The following ZFHX2 variants were observed in gnomAD, a reference collection of about 807,000 sequenced individuals.
The protein encoded by ZFHX2 is zinc finger homeobox protein 2.
A neutral mutation model predicts 164.8 loss-of-function variants in ZFHX2; 75 were observed. That is an observed-to-expected ratio of 0.46 (90% confidence interval 0.38 to 0.55). ZFHX2 has a LOEUF of 0.55. Ranked by LOEUF, ZFHX2 falls within the 20% of genes least tolerant of loss-of-function variation. The probability of loss-of-function intolerance (pLI) is 0.00; values close to 1 mark genes in which losing one functional copy is unlikely to be tolerated. For missense variants in ZFHX2, 2,933 were observed against 3,308.0 expected, an observed-to-expected ratio of 0.89 and a Z score of 2.78; for synonymous variants, 1,217 against 1,351.4, an observed-to-expected ratio of 0.90 and a Z score of 2.18.
At position 23,524,403 on chromosome 14, in the gene ZFHX2, C is replaced by G. The variant is rs1159766621; in HGVS notation, c.5539G>C (p.Gly1847Arg). 6.5e-7 allele frequency: 1 copy of G among 1,536,238 alleles called. No individual in the cohort carries two copies. The highest frequency in any genetic ancestry group is 1.2e-5 in the South Asian group (1 of 84,068). Residue 1847 changes from glycine (G) to arginine (R), a missense_variant, in exon 9 of 10, where the codon GGG becomes CGG. Gly to Arg is a moderately radical substitution (Grantham distance 125). Coordinates refer to ENST00000419474, the MANE Select transcript of ZFHX2 (RefSeq NM_033400.3). This position sits in a 1 kb window ranked among gnomAD's most constrained non-coding sequence, Gnocchi z 5.6. ...GSLSPTGSEA[G>R]GGGEGEPPRD... ...GGGGGCTCGCCCTCCCCTCCTCCCC[C>G]TGCTTCACTGCCTGTGGGAGACAAG...
At chr14:23,539,063 C>T (rs1451193420) in intron 1 of ZFHX2, among the ~76,000 whole-genome samples, 2 of 152,176 alleles carry the variant, frequency 1.3e-5, no homozygotes, top group African/African-American at 2.4e-5. Context: ...ATGAATCTTG[C>T]AGCTCCAAAA....
upstream of ZFHX2, among the ~76,000 whole-genome samples, chr14:23,551,860 G>T (rs1248054246): frequency 6.6e-6 from 1 of 152,156 alleles, no homozygotes; most frequent in African/African-American, 2.4e-5. This position sits in a 1 kb window ranked among gnomAD's most constrained non-coding sequence, Gnocchi z 5.3. Flanking sequence ...GTTCGCGCCC[G>T]CCCGCCTGCC....
At chr14:23,527,430 G>C (rs927169002) in intron 7 of ZFHX2, among the ~76,000 whole-genome samples, 174 bp downstream of exon 7, 1 of 151,984 alleles carries the variant, frequency 6.6e-6, no homozygotes, top group Non-Finnish European at 1.5e-5. Flanking sequence ...CTCCCCTCCT[G>C]GATGGCCCTA....
In ZFHX2 at chr14:23,526,684, G is replaced by C; in HGVS notation, c.3263-5C>G. 6.5e-7 allele frequency: 1 copy of C among 1,535,938 alleles called. No homozygotes were observed. The highest frequency in any genetic ancestry group is 8.7e-7 in the Non-Finnish European group (1 of 1,146,876). ...CTGGGGTCAGGTTAGGGCCTTCTAG[G>C]GGAGAGAGAAGAAAGTACAATGAGG... On this transcript the variant is annotated splice_region_variant and splice_polypyrimidine_tract_variant and intron_variant, in intron 8 of 9. Coordinates refer to ENST00000419474, the MANE Select transcript of ZFHX2 (RefSeq NM_033400.3).
intron 9 of ZFHX2, 35 bp from the exon 10 acceptor site, chr14:23,522,976 A>G (rs1054903331): frequency 4.8e-5 from 68 of 1,431,354 alleles, no homozygotes; most frequent in Admixed American, 5.8e-5. Flanking sequence ...AGGATTAGCC[A>G]TCTCCTGTCC....
chr14:23,545,131 T>A (rs898623126), intron 1 of ZFHX2, among the ~76,000 whole-genome samples: 2 of 149,122 alleles, frequency 1.3e-5, no homozygotes, highest in African/African-American at 4.9e-5. Flanking sequence ...GTTCCTCCCC[T>A]CCCCCACATT....
rs950386321 is a variant in ZFHX2 at position 23,546,845 on chromosome 14, A to G, written c.-50+4498T>C. Among the ~76,000 whole-genome samples, 3 of 152,160 alleles carry G rather than the reference A, an allele frequency of 2.0e-5. No homozygotes were observed. The highest frequency in any genetic ancestry group is 4.8e-5 in the African/African-American group (2 of 41,444). On this transcript the variant is annotated intron_variant, in intron 1 of 9. Coordinates refer to ENST00000419474, the MANE Select transcript of ZFHX2 (RefSeq NM_033400.3). The surrounding 1 kb of genome is among the most constrained non-coding windows in gnomAD (Gnocchi z 4.7). ...CTCCGTGGCGGTGGCTGACAGTGCA[A>G]CAGCCACCACTGTCCTTCCTTCAGG...
chr14:23,533,556 A>G lies in ZFHX2; in HGVS notation c.1770T>C (p.Ser590=), dbSNP rs899402587. 4.6e-6 allele frequency: 7 copies of G among 1,536,286 alleles called. No individual in the cohort carries two copies. The highest frequency in any genetic ancestry group is 2.7e-5 in the African/African-American group (2 of 73,036). The change falls in exon 2 of 10, where the codon TCT becomes TCC. Residue 590 remains serine (S), a synonymous_variant. Transcript: ENST00000419474. This position sits in a 1 kb window ranked among gnomAD's most constrained non-coding sequence, Gnocchi z 4.8. ...ISRNLRIHMT[S]EKHMQNVLML... is the part of the protein sequence containing the mutation. ...TTAGGACATTCTGCATGTGCTTCTC[A>G]GAGGTCATATGGATGCGCAGGTTAC...
At chr14:23,555,568 A>AAAGTTTCTCACCCACTCTTACCC, upstream of ZFHX2, among the ~76,000 whole-genome samples, 1 of 152,188 alleles carries the variant, frequency 6.6e-6, no homozygotes, top group South Asian at 2.1e-4. Context: ...TCTCTGACAG[A>AAAGTTTCTCACCCACTCTTACCC]AAGTTTCTCA....
chr14:23,533,680 G>A lies in ZFHX2; in HGVS notation c.1646C>T (p.Pro549Leu). The change falls in exon 2 of 10, where the codon CCA becomes CTA. Residue 549 changes from proline (P) to leucine (L), a missense_variant. Physicochemically the swap from Pro to Leu is moderately conservative, Grantham distance 98. Transcript: ENST00000419474. The surrounding 1 kb of genome is among the most constrained non-coding windows in gnomAD (Gnocchi z 4.8). ...GGAGGGTGGGAGTGATGCCTCTGGT[G>A]GACTTCCCTGCCCACCAGGGCCCGC... ...FQAGPGGQGS[P>L]PEASLPPSAG... 2.6e-6 allele frequency: 4 copies of A among 1,538,406 alleles called. No homozygotes were observed. Among genetic ancestry groups the A allele is most frequent in the Non-Finnish European group, 3.5e-6 (4 of 1,147,916 alleles).
chr14:23,540,154 C>A (rs60613729), intron 1 of ZFHX2, among the ~76,000 whole-genome samples: 2,387 of 152,280 alleles, frequency 0.016, 65 homozygotes, highest in African/African-American at 0.054. Flanking sequence ...CCACGCCCAG[C>A]TAATTTTTGT....
Position 23,523,042 on chromosome 14 carries a change from G to T in ZFHX2, c.6740-101C>A. 7.1e-6 allele frequency: 10 copies of T among 1,404,316 alleles called. No homozygotes were observed. The highest frequency in any genetic ancestry group is 8.3e-6 in the Non-Finnish European group (9 of 1,083,732). 87.0% of individuals were successfully genotyped at this position (1,404,316 alleles called of 1,614,324 possible). A position where few individuals can be genotyped will look rare whatever the true frequency, so the allele number is the denominator to read the frequency against. On this transcript the variant is annotated intron_variant, in intron 9 of 9. Coordinates refer to ENST00000419474, the MANE Select transcript of ZFHX2 (RefSeq NM_033400.3). This position sits in a 1 kb window ranked among gnomAD's most constrained non-coding sequence, Gnocchi z 4.1. ...GCCACACACACCCGTTCCCAGCACC[G>T]GATTTCCATGCCCCTTCCCTCCCTT...
rs1878726783 is a variant in ZFHX2 at position 23,526,488 on chromosome 14, C to T, written c.3454G>A (p.Gly1152Arg). The change falls in exon 9 of 10, where the codon GGG (glycine) becomes AGG (arginine). Residue 1152 changes from glycine (G) to arginine (R), a missense_variant. Coordinates refer to ENST00000419474, the MANE Select transcript of ZFHX2 (RefSeq NM_033400.3). ...GCAGAGCGGAGCTCCCCAGTGGTCC[C>T]CTCTTCCTCCTCAGCCATGGTGGGC... Reference protein sequence around the residue: ...PPPTMAEEEEGTTGELRSAEP... With the variant: ...PPPTMAEEEERTTGELRSAEP... The T allele has an allele frequency of 6.5e-7, 1 of 1,536,002 alleles. No individual in the cohort carries two copies. Among genetic ancestry groups the T allele is most frequent in the Non-Finnish European group, 8.7e-7 (1 of 1,146,874 alleles).
Position 23,533,020 on chromosome 14 carries a change from G to T in ZFHX2, c.2106C>A (p.Asp702Glu). The T allele has an allele frequency of 6.5e-7, 1 of 1,536,064 alleles. No homozygotes were observed. Among genetic ancestry groups the T allele is most frequent in the Non-Finnish European group, 8.7e-7 (1 of 1,146,816 alleles). ...CTGGGGGTGGTGAGGTGGGCAGGCT[G>T]TCAGATGAGGAACCCAGGAGCTGAC... The part of the protein sequence containing the change: ...PPSQLLGSSS[D>E]SLPTSPPPDD... Residue 702 changes from aspartate to glutamate, a missense_variant, in exon 3 of 10, where the codon GAC (aspartate) becomes GAA (glutamate). Physicochemically the swap from Asp to Glu is conservative, Grantham distance 45. Coordinates refer to ENST00000419474, the MANE Select transcript of ZFHX2 (RefSeq NM_033400.3). This position sits in a 1 kb window ranked among gnomAD's most constrained non-coding sequence, Gnocchi z 4.8.
At chr14:23,555,787 C>T (rs1042936157), upstream of ZFHX2, 1 of 152,336 alleles carries the variant, frequency 6.6e-6, no homozygotes, top group African/African-American at 2.4e-5. Context: ...TATTCCAGGC[C>T]CATCTGCCTG....
intron 1 of ZFHX2, among the ~76,000 whole-genome samples, chr14:23,539,050 G>A (rs1389022958): frequency 6.6e-6 from 1 of 152,168 alleles, no homozygotes; most frequent in Non-Finnish European, 1.5e-5. Context: ...GTCATCCCCT[G>A]AGATGAATCT....
At chr14:23,541,925 A>G (rs938396944) in intron 1 of ZFHX2, among the ~76,000 whole-genome samples, 4 of 152,152 alleles carry the variant, frequency 2.6e-5, no homozygotes, top group African/African-American at 9.7e-5. Context: ...TTCCCCTTTT[A>G]TAAATATTTA....
rs1879795927 is a variant in ZFHX2, at chr14:23,533,311, G to C, written c.2015C>G (p.Ala672Gly). 1 of 1,437,496 alleles carries C rather than the reference G, an allele frequency of 7.0e-7. No homozygotes were observed. The highest frequency in any genetic ancestry group is 1.4e-5 in the African/African-American group (1 of 69,694). The allele number at this position is 1,437,496 out of a possible 1,614,324, so 89.0% of individuals were successfully genotyped here. The change falls in exon 2 of 10, where the codon GCA becomes GGA. Residue 672 changes from alanine to glycine, a missense_variant. Coordinates refer to ENST00000419474, the MANE Select transcript of ZFHX2 (RefSeq NM_033400.3). The surrounding 1 kb of genome is among the most constrained non-coding windows in gnomAD (Gnocchi z 4.8). ...GGATGTGGGGAACTTGCGGGCAGGT[G>C]CTCCTACGTGGTGGAAACCATTGAG... ...LLLNGFHHVG[A>G]PARKFPTSAP...
In ZFHX2 at chr14:23,534,270, G is replaced by C. The variant is rs1477049916; in HGVS notation, c.1056C>G (p.Thr352=). 1 of 1,530,762 alleles carries C rather than the reference G, an allele frequency of 6.5e-7. No homozygotes were observed. Among genetic ancestry groups the C allele is most frequent in the East Asian group, 2.5e-5 (1 of 40,800 alleles). 94.8% of individuals were successfully genotyped at this position (1,530,762 alleles called of 1,614,324 possible). A position where few individuals can be genotyped will look rare whatever the true frequency, so the allele number is the denominator to read the frequency against. Residue 352 remains threonine (T), a synonymous_variant, in exon 2 of 10, where the codon ACC becomes ACG. Transcript: ENST00000419474. This position sits in a 1 kb window ranked among gnomAD's most constrained non-coding sequence, Gnocchi z 4.5. ...TGGCTTGGGTTGGGCTGGGGTCCCA[G>C]GTGGCTGTGGGTGGAGAGGGTGGGC... is the stretch of plus-strand genomic sequence containing the variant. ...ALSPPSPPTA[T]WDPSPTQAKE... is the part of the protein sequence containing the mutation.
Sources: gnomAD v4.1 joint callset for allele counts (sites outside exome capture counted in the v4.1 genomes callset) on GRCh38, gnomAD v4.1.1 for gene constraint, Gnocchi (gnomAD v3.1) non-coding constraint, MANE v1.5 for transcripts, NCBI Gene and HGNC (gene_info 2026-07-23, HGNC 2026-07-21) for gene names.